The following GPR39 variants were observed in gnomAD, a reference collection of about 807,000 sequenced individuals.
The protein encoded by GPR39 is G protein-coupled receptor 39.
Under a neutral mutation model 18.4 loss-of-function variants are expected in GPR39, and 23 were observed. The observed-to-expected ratio is 1.25, with a 90% CI of 0.90 to 1.77. The LOEUF (loss-of-function observed/expected upper bound fraction) is 1.77, where lower values mean the gene tolerates loss of function less well. Ranked by LOEUF, GPR39 falls within the 40% of genes most tolerant of loss-of-function variation. The pLI is 0.00. For missense variants in GPR39, 647 were observed against 602.4 expected (o/e 1.07, Z -0.78); for synonymous variants, 280 against 257.9 (o/e 1.09, Z -0.82).
intron 1 of GPR39, among the ~76,000 whole-genome samples, chr2:132,543,182 A>T (rs1216279486): frequency 6.6e-6 from 1 of 152,228 alleles, no homozygotes; most frequent in Admixed American, 6.5e-5. Context: ...CTCAGCAAAG[A>T]GAAGTGTCCT....
chr2:132,628,583 C>A (rs1370665114), intron 1 of GPR39, among the ~76,000 whole-genome samples: 1 of 152,206 alleles, frequency 6.6e-6, no homozygotes, highest in Non-Finnish European at 1.5e-5. Flanking sequence ...CTATGCACAT[C>A]TTTCTGGGAA....
chr2:132,433,473 T>G (rs1680258834), intron 1 of GPR39, among the ~76,000 whole-genome samples: 2 of 152,010 alleles, frequency 1.3e-5, no homozygotes, highest in African/African-American at 4.8e-5. Context: ...TCACATAAAT[T>G]TCATCATGTT....
intron 1 of GPR39, among the ~76,000 whole-genome samples, chr2:132,442,760 G>A (rs1484036849): frequency 6.6e-6 from 1 of 152,016 alleles, no homozygotes; most frequent in Non-Finnish European, 1.5e-5. Context: ...CCATTTCCTT[G>A]CTGCTTTTTT....
At chr2:132,638,202 C>A (rs1013851232) in intron 1 of GPR39, among the ~76,000 whole-genome samples, 5 of 152,066 alleles carry the variant, frequency 3.3e-5, no homozygotes, top group Non-Finnish European at 4.4e-5. Flanking sequence ...GTGGGACTGG[C>A]AGGACGGTTG....
chr2:132,597,553 G>C (rs1252870357), intron 1 of GPR39, among the ~76,000 whole-genome samples: 1 of 152,198 alleles, frequency 6.6e-6, no homozygotes, highest in Non-Finnish European at 1.5e-5. Context: ...TTGTCAAGTA[G>C]AGAAGGAAGC....
chr2:132,591,714 G>A (rs141053262), intron 1 of GPR39, among the ~76,000 whole-genome samples: 1 of 152,196 alleles, frequency 6.6e-6, no homozygotes, highest in Non-Finnish European at 1.5e-5. Context: ...CTATTATGCA[G>A]ATCCCAGTGT....
chr2:132,440,664 T>C (rs547936129), intron 1 of GPR39, among the ~76,000 whole-genome samples: 4 of 152,034 alleles, frequency 2.6e-5, no homozygotes, highest in Non-Finnish European at 5.9e-5. Context: ...TCAGGGTCAG[T>C]GTGGAAGGAA....
chr2:132,418,969 G>A (rs1679960730), intron 1 of GPR39, among the ~76,000 whole-genome samples: 1 of 152,186 alleles, frequency 6.6e-6, no homozygotes, highest in South Asian at 2.1e-4. Flanking sequence ...AGGTTCCAGG[G>A]ACAGGAGGTA....
At position 132,643,162 on chromosome 2, in the gene GPR39, A is replaced by C. The variant is rs191006415; in HGVS notation, c.857-1939A>C. ...CAGCATCTGTAACTAGGTGATTCAG[A>C]ATAAACTCTTGAATTAAGATGGTAT... On this transcript the variant is annotated intron_variant, in intron 1 of 1. Coordinates refer to ENST00000329321, the MANE Select transcript of GPR39 (RefSeq NM_001508.3). Among the ~76,000 whole-genome samples, 66 of 152,342 alleles carry C rather than the reference A, an allele frequency of 4.3e-4. 1 individual carries two copies. In the East Asian group the frequency reaches 0.012, roughly 28 times the overall value.
chr2:132,587,595 G>A (rs75842525), intron 1 of GPR39, among the ~76,000 whole-genome samples: 6,258 of 152,100 alleles, frequency 0.041, 399 homozygotes, highest in African/African-American at 0.14. Context: ...GCGGTAGTGC[G>A]ATCTCAGCTC....
At chr2:132,458,144 T>C (rs1680766084) in intron 1 of GPR39, among the ~76,000 whole-genome samples, 1 of 152,144 alleles carries the variant, frequency 6.6e-6, no homozygotes, top group South Asian at 2.1e-4. Flanking sequence ...GCACCCACTG[T>C]CCAACCAGTC....
intron 1 of GPR39, among the ~76,000 whole-genome samples, chr2:132,601,611 A>C (rs975670479): frequency 5.3e-5 from 8 of 152,092 alleles, no homozygotes; most frequent in African/African-American, 1.9e-4. Context: ...AAGCATATAC[A>C]CTGAAAAAAA....
chr2:132,439,052 C>T (rs1483951255), intron 1 of GPR39, among the ~76,000 whole-genome samples: 1 of 152,188 alleles, frequency 6.6e-6, no homozygotes, highest in African/African-American at 2.4e-5. Flanking sequence ...AGTATTCCCC[C>T]AGGATGCAGC....
At chr2:132,433,841 G>T (rs1252587285) in intron 1 of GPR39, 1 of 150,856 alleles carries the variant, frequency 6.6e-6, no homozygotes. Context: ...CTTTTATGTT[G>T]GTGCAGGATT....
At chr2:132,643,422 G>C (rs1175152326) in intron 1 of GPR39, among the ~76,000 whole-genome samples, 1 of 152,146 alleles carries the variant, frequency 6.6e-6, no homozygotes, top group Non-Finnish European at 1.5e-5. Context: ...ACACAGCTAG[G>C]GTCCCCTCCA....
chr2:132,528,214 A>C (rs1679547271), intron 1 of GPR39, among the ~76,000 whole-genome samples: 1 of 152,082 alleles, frequency 6.6e-6, no homozygotes, highest in Non-Finnish European at 1.5e-5. Flanking sequence ...TGTTTTTGTC[A>C]GGTTTGTTGA....
chr2:132,417,589 G>C lies in GPR39; in HGVS notation c.547G>C (p.Val183Leu), dbSNP rs774704964. ...AMGTEYPLVN[V>L]PSHRGLTCNR... ...GGGTACTGAGTACCCCCTGGTGAAC[G>C]TGCCCAGCCACCGGGGTCTCACTTG... Residue 183 changes from valine to leucine, a missense_variant, in exon 1 of 2, where the codon GTG (valine) becomes CTG (leucine). This residue lies in a region of GPR39 where 581 missense variants were observed against 506.8 expected (regional missense o/e 1.15). Transcript: ENST00000329321. The C allele has an allele frequency of 1.2e-6, 2 of 1,614,088 alleles. No individual in the cohort carries two copies. The highest frequency in any genetic ancestry group is 3.3e-5 in the Admixed American group (2 of 60,022).
intron 1 of GPR39, among the ~76,000 whole-genome samples, chr2:132,603,004 T>G (rs1681072470): frequency 6.6e-6 from 1 of 151,996 alleles, no homozygotes; most frequent in Admixed American, 6.6e-5. Context: ...AAAATAGAAC[T>G]ACCGTATGAC....
At chr2:132,625,089 GCTTCTACATGGCTTTTTTA>G (rs1681517434) in intron 1 of GPR39, among the ~76,000 whole-genome samples, 2 of 129,600 alleles carry the variant, frequency 1.5e-5, no homozygotes, top group African/African-American at 2.9e-5. Context: ...TTTTTTTTTT[GCTTCTACATGGCTTTTTTA>G]CTTCTACATG....
Sources: gnomAD v4.1 joint callset for allele counts (sites outside exome capture counted in the v4.1 genomes callset) on GRCh38, gnomAD v4.1.1 for gene constraint, gnomAD v4.1.1 regional missense constraint, MANE v1.5 for transcripts, NCBI Gene and HGNC (gene_info 2026-07-23, HGNC 2026-07-21) for gene names.